Variants in TENM4 observed in about 807,000 individuals in gnomAD.
The protein encoded by TENM4 is teneurin transmembrane protein 4.
A neutral mutation model predicts 243.3 loss-of-function variants in TENM4; 82 were observed. The ratio of observed to expected loss-of-function variants is 0.34; its 90% CI spans 0.28 to 0.40. The LOEUF (loss-of-function observed/expected upper bound fraction) is 0.40. Ranked by LOEUF, TENM4 falls within the 10% of genes least tolerant of loss-of-function variation. TENM4 has a pLI of 1.00. For missense variants in TENM4, 3,138 were observed against 3,673.3 expected (o/e 0.85, Z 3.77); for synonymous variants, 1,412 against 1,456.3 (o/e 0.97, Z 0.69).
chr11:78,885,952 A>G lies in TENM4; in HGVS notation c.1084+3833T>C, dbSNP rs141120634. ...ACACAAACAAACAAACAAACAAACT[A>G]AATGTCAAATGAATCTGTCAGGATT... is the stretch of plus-strand genomic sequence containing the variant. On this transcript the variant is annotated intron_variant, in intron 9 of 33. Coordinates refer to ENST00000278550, the MANE Select transcript of TENM4 (RefSeq NM_001098816.3). Among the ~76,000 whole-genome samples the G allele has an allele frequency of 1.2e-3, 188 of 152,258 alleles. 2 individuals carry two copies. The highest frequency in any genetic ancestry group is 3.5e-3 in the African/African-American group (146 of 41,552).
At chr11:79,439,977 G>A (rs921599829) in intron 1 of TENM4, among the ~76,000 whole-genome samples, 1 of 152,006 alleles carries the variant, frequency 6.6e-6, no homozygotes, top group African/African-American at 2.4e-5. Context: ...AGGAGCTGGG[G>A]TCGCATCTCC....
At chr11:79,334,225 G>C (rs1466369206) in intron 1 of TENM4, among the ~76,000 whole-genome samples, 1 of 152,218 alleles carries the variant, frequency 6.6e-6, no homozygotes, top group Non-Finnish European at 1.5e-5. Flanking sequence ...ATGCCTTACA[G>C]TGTCGCATAT....
chr11:79,164,780 GTTT>G (rs1346623408), intron 3 of TENM4, among the ~76,000 whole-genome samples: 3 of 151,502 alleles, frequency 2.0e-5, no homozygotes, highest in African/African-American at 7.3e-5. Context: ...AGGGGTTTCT[GTTT>G]TTGCTTCATC....
At chr11:78,968,765 G>A (rs1462378475) in intron 6 of TENM4, among the ~76,000 whole-genome samples, 3 of 152,166 alleles carry the variant, frequency 2.0e-5, no homozygotes, top group Admixed American at 6.5e-5. Context: ...GTCTATGGTC[G>A]TAAGGCCCAG....
intron 1 of TENM4, among the ~76,000 whole-genome samples, chr11:79,403,444 A>C (rs1858502759): frequency 6.6e-6 from 1 of 152,186 alleles, no homozygotes; most frequent in African/African-American, 2.4e-5. Flanking sequence ...TGATAGTTCC[A>C]TTTTGCAGAT....
At chr11:78,699,272 T>A (rs1340739096) in intron 28 of TENM4, among the ~76,000 whole-genome samples, 1 of 152,238 alleles carries the variant, frequency 6.6e-6, no homozygotes, top group East Asian at 1.9e-4. Flanking sequence ...ACTATTGTCA[T>A]CCCTATCGTA....
At chr11:79,337,600 G>A (rs1020676712) in intron 1 of TENM4, among the ~76,000 whole-genome samples, 12 of 152,164 alleles carry the variant, frequency 7.9e-5, no homozygotes, top group Admixed American at 2.0e-4. Context: ...ACGGACCTTC[G>A]CAAGGTAAAG....
At chr11:78,786,680 G>A (rs1856942088) in intron 16 of TENM4, among the ~76,000 whole-genome samples, 1 of 152,228 alleles carries the variant, frequency 6.6e-6, no homozygotes, top group African/African-American at 2.4e-5. Flanking sequence ...ACCAGGACAT[G>A]GGAAATGGAA....
At position 78,669,191 on chromosome 11, in the gene TENM4, T is replaced by C; in HGVS notation, c.7154A>G (p.Tyr2385Cys). 1.2e-6 allele frequency: 2 copies of C among 1,612,338 alleles called. No homozygotes were observed. Among genetic ancestry groups the C allele is most frequent in the Non-Finnish European group, 1.7e-6 (2 of 1,179,258 alleles). The part of the protein sequence containing the change: ...LMIKQILYTA[Y>C]GEIYMDTNPN... Reference sequence around the variant, plus strand: ...GTTGGTATCCATGTAGATCTCCCCATAGGCTGTGTACAGGATTTGCTTGAT... The same window carrying C: ...GTTGGTATCCATGTAGATCTCCCCACAGGCTGTGTACAGGATTTGCTTGAT... The change falls in exon 32 of 34, where the codon TAT (tyrosine) becomes TGT (cysteine). Residue 2385 changes from tyrosine to cysteine, a missense_variant. Physicochemically the swap from Tyr to Cys is radical, Grantham distance 194. This residue lies in a region of TENM4 where 2,467 missense variants were observed against 3,059.1 expected (regional missense o/e 0.81). Coordinates refer to ENST00000278550, the MANE Select transcript of TENM4 (RefSeq NM_001098816.3). This position sits in a 1 kb window ranked among gnomAD's most constrained non-coding sequence, Gnocchi z 6.4.
At chr11:79,091,933 G>T (rs537328591) in intron 4 of TENM4, among the ~76,000 whole-genome samples, 1 of 152,036 alleles carries the variant, frequency 6.6e-6, no homozygotes, top group Non-Finnish European at 1.5e-5. Flanking sequence ...TGGGAGTCAC[G>T]CTTAAATCCT....
chr11:78,793,304 T>C (rs904165104), intron 15 of TENM4, among the ~76,000 whole-genome samples: 1 of 152,218 alleles, frequency 6.6e-6, no homozygotes, highest in African/African-American at 2.4e-5. Flanking sequence ...GCCTTCCTGC[T>C]GAGCAAGGAA....
chr11:78,879,191 CG>C (rs1859349424), intron 9 of TENM4, among the ~76,000 whole-genome samples: 2 of 145,912 alleles, frequency 1.4e-5, no homozygotes, highest in African/African-American at 5.1e-5. Context: ...TCTGCCCAGC[CG>C]CCACCCCGTC....
At chr11:79,265,743 T>C (rs1288947491) in intron 2 of TENM4, among the ~76,000 whole-genome samples, 1 of 152,156 alleles carries the variant, frequency 6.6e-6, no homozygotes, top group Non-Finnish European at 1.5e-5. Flanking sequence ...CCAGTAGGAT[T>C]ATAATAAAAC....
intron 1 of TENM4, among the ~76,000 whole-genome samples, chr11:79,380,149 G>A (rs1267897486): frequency 1.3e-5 from 2 of 152,114 alleles, no homozygotes; most frequent in African/African-American, 4.8e-5. Flanking sequence ...TATAAAAGGA[G>A]GTGTGATGGC....
At chr11:79,161,437 G>C (rs1396667966) in intron 3 of TENM4, among the ~76,000 whole-genome samples, 1 of 152,162 alleles carries the variant, frequency 6.6e-6, no homozygotes, top group Non-Finnish European at 1.5e-5. Flanking sequence ...ATTGATATAA[G>C]ACCACACTGG....
intron 3 of TENM4, among the ~76,000 whole-genome samples, chr11:79,150,703 A>G (rs1161462530): frequency 6.6e-6 from 1 of 152,142 alleles, no homozygotes; most frequent in African/African-American, 2.4e-5. Context: ...TCCTGCCTCC[A>G]TATCAGCAAC....
intron 32 of TENM4, among the ~76,000 whole-genome samples, chr11:78,661,992 T>C (rs17136959): frequency 0.043 from 6,534 of 152,162 alleles, 281 homozygotes; most frequent in African/African-American, 0.099. Context: ...ATTTTAATGA[T>C]TGACTTGCAA....
chr11:79,153,461 G>T (rs1330252811), intron 3 of TENM4, among the ~76,000 whole-genome samples: 2 of 151,984 alleles, frequency 1.3e-5, no homozygotes, highest in Non-Finnish European at 2.9e-5. Context: ...GCAGAGGCAA[G>T]TCACCCAGCA....
At position 78,731,342 on chromosome 11, in the gene TENM4, T is replaced by C. The variant is rs149800845; in HGVS notation, c.3138+974A>G. Among the ~76,000 whole-genome samples, 1,408 of 152,334 alleles carry C rather than the reference T, an allele frequency of 9.2e-3. 24 individuals carry two copies. The highest frequency in any genetic ancestry group is 0.032 in the African/African-American group (1,345 of 41,568). ...TCTCTGAAAAGGAGGTTTCAACCTG[T>C]GAGTGCAATGAGAATTTCAAAATGA... On this transcript the variant is annotated intron_variant, in intron 21 of 33. Coordinates refer to ENST00000278550, the MANE Select transcript of TENM4 (RefSeq NM_001098816.3).
Sources: allele counts gnomAD v4.1 joint callset (sites outside exome capture counted in the v4.1 genomes callset), GRCh38; gene constraint gnomAD v4.1.1; regional missense constraint gnomAD v4.1.1; non-coding constraint Gnocchi (gnomAD v3.1); transcripts MANE v1.5; gene names NCBI Gene and HGNC (gene_info 2026-07-23, HGNC 2026-07-21).